TMEM273: variants seen among roughly 807,000 people sequenced by gnomAD.
TMEM273 encodes chromosome 10 open reading frame 128.
TMEM273 carries 19 observed loss-of-function variants against 17.9 expected under a neutral mutation model. The ratio of observed to expected loss-of-function variants is 1.06; its 90% confidence interval spans 0.74 to 1.55. The LOEUF (loss-of-function observed/expected upper bound fraction) is 1.55. Ranked by LOEUF, TMEM273 falls within the 40% of genes most tolerant of loss-of-function variation. The pLI is 0.00. For synonymous variants in TMEM273, 66 were observed against 62.0 expected (o/e 1.07, Z -0.31); for missense variants, 194 against 155.6 (o/e 1.25, Z -1.31).
chr10:49,165,414 G>A (rs187046553), intron 4 of TMEM273, 131 bp from the exon 5 acceptor site: 1 of 1,514,368 alleles, frequency 6.6e-7, no homozygotes, highest in African/African-American at 1.4e-5. Flanking sequence ...CAGAAACCTG[G>A]GACAAACCAC....
intron 5 of TMEM273, among the ~76,000 whole-genome samples, chr10:49,164,207 C>T (rs1200613964): frequency 1.3e-5 from 2 of 152,160 alleles, no homozygotes; most frequent in African/African-American, 4.8e-5. Flanking sequence ...AAAGCTGCTC[C>T]CCCACCAACT....
intron 4 of TMEM273, among the ~76,000 whole-genome samples, 194 bp downstream of exon 4, chr10:49,165,572 C>T (rs1590198636): frequency 6.6e-6 from 1 of 152,180 alleles, no homozygotes; most frequent in African/African-American, 2.4e-5. Flanking sequence ...AGCCTGTGGC[C>T]CTCACTCTTG....
At chr10:49,183,727 G>C (rs1024513300) in intron 1 of TMEM273, among the ~76,000 whole-genome samples, 1 of 152,156 alleles carries the variant, frequency 6.6e-6, no homozygotes, top group Non-Finnish European at 1.5e-5. Flanking sequence ...ACTACAATAA[G>C]AGTATCTGCC....
intron 6 of TMEM273, among the ~76,000 whole-genome samples, chr10:49,157,908 A>G (rs1180402910): frequency 1.3e-5 from 2 of 152,234 alleles, no homozygotes; most frequent in Non-Finnish European, 1.5e-5. Flanking sequence ...CAGGTGACAT[A>G]ATATCATAAA....
intron 5 of TMEM273, among the ~76,000 whole-genome samples, chr10:49,163,920 A>AGCC (rs767371932): frequency 6.6e-6 from 1 of 152,168 alleles, no homozygotes; most frequent in Non-Finnish European, 1.5e-5. Context: ...CATGACCCGC[A>AGCC]GCCACAATGC....
At chr10:49,162,590 C>T (rs1845915781) in intron 5 of TMEM273, among the ~76,000 whole-genome samples, 1 of 152,168 alleles carries the variant, frequency 6.6e-6, no homozygotes, top group Non-Finnish European at 1.5e-5. Flanking sequence ...TTAGAGCCTT[C>T]CCCGTGGTGA....
intron 1 of TMEM273, among the ~76,000 whole-genome samples, chr10:49,178,742 T>G (rs1847159642): frequency 6.6e-6 from 1 of 152,214 alleles, no homozygotes; most frequent in South Asian, 2.1e-4. Context: ...CTTCTCCTTT[T>G]TCTTCTGTGA....
intron 6 of TMEM273, among the ~76,000 whole-genome samples, chr10:49,157,869 T>A (rs752537604): frequency 6.6e-6 from 1 of 152,176 alleles, no homozygotes; most frequent in Non-Finnish European, 1.5e-5. Flanking sequence ...TAAAGGCATA[T>A]GAATTGGGAA....
Position 49,165,296 on chromosome 10 carries a change from A to G in TMEM273, c.270-13T>C. On this transcript the variant is annotated splice_polypyrimidine_tract_variant and intron_variant, in intron 4 of 6. Transcript: ENST00000374153. ...GGCTTGCAGCTTTCTGGCAAAGAGC[A>G]TTCCAATTACAGAAAACAGCAAGTG... is the stretch of plus-strand genomic sequence containing the variant. The G allele has an allele frequency of 2.6e-6, 4 of 1,550,580 alleles. No individual in the cohort carries two copies. The highest frequency in any genetic ancestry group is 2.6e-6 in the Non-Finnish European group (3 of 1,146,990).
chr10:49,170,986 A>C (rs2132188629), intron 1 of TMEM273, among the ~76,000 whole-genome samples: 1 of 152,324 alleles, frequency 6.6e-6, no homozygotes, highest in South Asian at 2.1e-4. Context: ...TCACAGCCAG[A>C]GGTCTCTGGA....
In TMEM273 at chr10:49,178,889, A is replaced by G. The variant is rs150740545; in HGVS notation, c.43+9405T>C. On this transcript the variant is annotated intron_variant, in intron 1 of 6. Coordinates refer to ENST00000374153, the MANE Select transcript of TMEM273 (RefSeq NM_001288740.3). ...AAAATCAATATTTGCTTAATCAAAG[A>G]GAAAGCTCTGGGTGTCTGTGTGTCC... is the stretch of plus-strand genomic sequence containing the variant. Among the ~76,000 whole-genome samples, 75 of 152,342 alleles carry G rather than the reference A, an allele frequency of 4.9e-4. No individual in the cohort carries two copies. The East Asian group carries it at 0.014, about 28-fold the overall frequency.
chr10:49,164,899 G>A (rs1186198382), intron 5 of TMEM273, among the ~76,000 whole-genome samples: 2 of 151,974 alleles, frequency 1.3e-5, no homozygotes, highest in African/African-American at 2.4e-5. Flanking sequence ...GTAGACTGGG[G>A]GAGATTGTCC....
Position 49,165,196 on chromosome 10 carries a change from G to T in TMEM273, c.348+9C>A, listed in dbSNP as rs1055380083. 1 of 1,547,764 alleles carries T rather than the reference G, an allele frequency of 6.5e-7. No individual in the cohort carries two copies. The highest frequency in any genetic ancestry group is 2.0e-5 in the Admixed American group (1 of 50,412). ...GAGAATGGTGGCTGGAGTCGAGAGGGGATTGTACCTTAAATAGGCCCTCCA... is the reference window on the plus strand; with the variant it reads ...GAGAATGGTGGCTGGAGTCGAGAGGTGATTGTACCTTAAATAGGCCCTCCA... On this transcript the variant is annotated intron_variant, in intron 5 of 6. Transcript: ENST00000374153.
intron 1 of TMEM273, among the ~76,000 whole-genome samples, chr10:49,187,080 A>G (rs554131682): frequency 2.4e-4 from 37 of 152,296 alleles, no homozygotes; most frequent in Middle Eastern, 3.4e-3. Context: ...TTGTACCAGG[A>G]CAGACTAGTT....
chr10:49,168,828 C>T lies in TMEM273; in HGVS notation c.44-866G>A, dbSNP rs868839365. Among the ~76,000 whole-genome samples the T allele has an allele frequency of 3.9e-5, 6 of 152,242 alleles. No individual in the cohort carries two copies. In the East Asian group the frequency reaches 7.7e-4, roughly 20 times the overall value. The stretch of plus-strand genomic sequence containing the variant: ...GACAGGAGATACTGCTCACAAACAG[C>T]GCCCTAAAATAGTGATCCAGAGGTG... On this transcript the variant is annotated intron_variant, in intron 1 of 6. Transcript: ENST00000374153.
intron 1 of TMEM273, among the ~76,000 whole-genome samples, chr10:49,180,048 C>T (rs1473664906): frequency 6.6e-6 from 1 of 152,166 alleles, no homozygotes; most frequent in Non-Finnish European, 1.5e-5. Context: ...GGCTTCATGC[C>T]CAATGAATGA....
intron 1 of TMEM273, among the ~76,000 whole-genome samples, chr10:49,169,891 A>G (rs539847780): frequency 2.2e-4 from 33 of 152,100 alleles, no homozygotes; most frequent in Non-Finnish European, 4.3e-4. Flanking sequence ...CTTTGCTGAC[A>G]CCTCTGATCT....
intron 6 of TMEM273, chr10:49,161,080 G>A (rs983471953): frequency 6.5e-6 from 1 of 154,678 alleles, no homozygotes; most frequent in African/African-American, 2.4e-5. Context: ...TTCATTCCTA[G>A]GAGTCTTCAT....
intron 1 of TMEM273, among the ~76,000 whole-genome samples, chr10:49,174,819 G>A (rs759214861): frequency 3.3e-5 from 5 of 152,132 alleles, no homozygotes; most frequent in African/African-American, 1.2e-4. Flanking sequence ...CAGACCACTT[G>A]CTTGGCAACT....
Sources: allele counts gnomAD v4.1 joint callset (sites outside exome capture counted in the v4.1 genomes callset), GRCh38; gene constraint gnomAD v4.1.1; transcripts MANE v1.5; gene names NCBI Gene and HGNC (gene_info 2026-07-23, HGNC 2026-07-21).